STPG2: variants seen among roughly 807,000 people sequenced by gnomAD.
STPG2 encodes the protein sperm tail PG-rich repeat containing 2.
A neutral mutation model predicts 54.2 loss-of-function variants in STPG2; 56 were observed. That is an observed-to-expected ratio of 1.03 (90% CI 0.83 to 1.29). The LOEUF (loss-of-function observed/expected upper bound fraction) is 1.29, where lower values mean the gene tolerates loss of function less well. Among genes scored for constraint, STPG2 ranks in the 50% most tolerant of loss-of-function variants. The probability of loss-of-function intolerance (pLI) is 0.00; values close to 1 mark genes in which losing one functional copy is unlikely to be tolerated. For synonymous variants in STPG2, 200 were observed against 181.8 expected (o/e 1.10, Z -0.81); for missense variants, 596 against 544.9 (o/e 1.09, Z -0.93).
intron 6 of STPG2, among the ~76,000 whole-genome samples, chr4:97,976,264 C>T (rs1469486828): frequency 6.6e-6 from 1 of 152,082 alleles, no homozygotes; most frequent in African/African-American, 2.4e-5. Flanking sequence ...AAGATAAACA[C>T]AAAGTATAAT....
At chr4:97,506,561 A>G (rs905946854) in intron 4 of STPG2, among the ~76,000 whole-genome samples, 54 of 152,032 alleles carry the variant, frequency 3.6e-4, no homozygotes, top group Non-Finnish European at 7.8e-4. Flanking sequence ...AAAGTGTTTT[A>G]TATAGTTAAA....
chr4:97,845,372 C>A (rs886310560), intron 8 of STPG2, among the ~76,000 whole-genome samples: 2 of 151,928 alleles, frequency 1.3e-5, no homozygotes, highest in African/African-American at 4.8e-5. Flanking sequence ...TCTTAGTAAG[C>A]AACATTATAA....
chr4:97,602,803 T>C (rs1024605781), intron 10 of STPG2, among the ~76,000 whole-genome samples: 1 of 151,788 alleles, frequency 6.6e-6, no homozygotes, highest in Non-Finnish European at 1.5e-5. Flanking sequence ...TATTGCATAG[T>C]AAAATTTTGG....
At chr4:97,988,877 G>T (rs1734909984) in intron 5 of STPG2, among the ~76,000 whole-genome samples, 1 of 152,180 alleles carries the variant, frequency 6.6e-6, no homozygotes, top group African/African-American at 2.4e-5. Context: ...GCCTCCCAAA[G>T]TTCTGGGATT....
chr4:97,575,980 G>C (rs1266059089), intron 10 of STPG2, among the ~76,000 whole-genome samples: 2 of 152,016 alleles, frequency 1.3e-5, no homozygotes, highest in Non-Finnish European at 2.9e-5. Flanking sequence ...TGTTTAAGCT[G>C]AGAGTCAAAT....
At chr4:97,832,545 G>C (rs1338425719) in intron 9 of STPG2, among the ~76,000 whole-genome samples, 1 of 152,140 alleles carries the variant, frequency 6.6e-6, no homozygotes. Context: ...GATATAAAGG[G>C]TATTCAAATA....
intron 5 of STPG2, among the ~76,000 whole-genome samples, chr4:98,012,917 C>T (rs1293240367): frequency 6.6e-6 from 1 of 152,228 alleles, no homozygotes; most frequent in East Asian, 1.9e-4. Context: ...TTGACTTTCT[C>T]TCTTCCTATC....
intron 5 of STPG2, among the ~76,000 whole-genome samples, chr4:97,989,719 T>G (rs897669769): frequency 6.6e-6 from 1 of 152,194 alleles, no homozygotes; most frequent in African/African-American, 2.4e-5. Context: ...GGAGCCATTA[T>G]TAGTTAAAAT....
intron 3 of STPG2, among the ~76,000 whole-genome samples, chr4:98,125,944 T>C (rs13137808): frequency 0.4 from 60,095 of 152,020 alleles, 12,123 homozygotes; most frequent in Middle Eastern, 0.46. Flanking sequence ...AGTCTGGCTA[T>C]AGTCTGCCAC....
intron 5 of STPG2, 122 bp from the exon 6 acceptor site, chr4:97,981,440 A>G: frequency 1.0e-6 from 1 of 971,634 alleles, no homozygotes; most frequent in South Asian, 1.8e-5. Context: ...AATGGAGTGA[A>G]GAAAATGTAG....
rs1728611329 is a variant in STPG2, at chr4:97,835,685, TC to T, written c.1204+5087del. 7.9e-5 allele frequency among the ~76,000 whole-genome samples: 12 copies of T among 152,234 alleles called. No individual in the cohort carries two copies. The South Asian group carries it at 2.5e-3, about 32-fold the overall frequency. Reference sequence around the variant, plus strand: ...GGCTATGGCCACCATACAGAGTGACTCCTCTGGGATCTGGGCAAAGTAAATT... The same window carrying T: ...GGCTATGGCCACCATACAGAGTGACTCTCTGGGATCTGGGCAAAGTAAATT... On this transcript the variant is annotated intron_variant, in intron 9 of 10. Transcript: ENST00000295268.
chr4:98,131,514 C>T (rs558022632), intron 2 of STPG2, among the ~76,000 whole-genome samples: 2 of 152,214 alleles, frequency 1.3e-5, no homozygotes, highest in South Asian at 2.1e-4. Context: ...TGTCATTGCA[C>T]TGATATTATT....
At position 98,143,253 on chromosome 4, in the gene STPG2, G is replaced by C; in HGVS notation, c.-103C>G. The stretch of plus-strand genomic sequence containing the variant: ...AAAAAGGAAGCCGACACCAGTCTGA[G>C]GAGGCCGGGAAAGAACTTCCGTAAA... On this transcript the variant is annotated 5_prime_UTR_variant, in exon 1 of 11. Transcript: ENST00000295268. 1 of 832,598 alleles carries C rather than the reference G, an allele frequency of 1.2e-6. No homozygotes were observed. Among genetic ancestry groups the C allele is most frequent in the Non-Finnish European group, 1.9e-6 (1 of 533,138 alleles). 51.6% of individuals were successfully genotyped at this position (832,598 alleles called of 1,614,324 possible).
chr4:97,965,722 C>T (rs573730663), intron 7 of STPG2, among the ~76,000 whole-genome samples: 1 of 152,306 alleles, frequency 6.6e-6, no homozygotes, highest in South Asian at 2.1e-4. Context: ...ACCTGGCAAA[C>T]GGGGTCTGGA....
At chr4:98,093,212 T>A (rs1185018189) in intron 5 of STPG2, among the ~76,000 whole-genome samples, 2 of 152,144 alleles carry the variant, frequency 1.3e-5, no homozygotes, top group East Asian at 3.8e-4. Flanking sequence ...TACTAAAAAA[T>A]TTTTCATTGC....
chr4:97,597,583 G>T (rs1351780197), intron 10 of STPG2, among the ~76,000 whole-genome samples: 2 of 151,774 alleles, frequency 1.3e-5, no homozygotes, highest in African/African-American at 4.8e-5. Flanking sequence ...TTCAATATAT[G>T]CAAATCAATA....
chr4:97,749,539 T>C (rs1725518537), intron 9 of STPG2, among the ~76,000 whole-genome samples: 1 of 151,762 alleles, frequency 6.6e-6, no homozygotes. Flanking sequence ...TATACTTTAT[T>C]ATTTTATCAA....
chr4:97,970,726 A>T (rs975648784), intron 7 of STPG2, among the ~76,000 whole-genome samples: 1 of 152,222 alleles, frequency 6.6e-6, no homozygotes, highest in Non-Finnish European at 1.5e-5. Flanking sequence ...AACCTAGGCA[A>T]TACCATTCAG....
At chr4:97,815,649 G>C (rs964187312) in intron 9 of STPG2, among the ~76,000 whole-genome samples, 4 of 152,110 alleles carry the variant, frequency 2.6e-5, no homozygotes, top group Non-Finnish European at 5.9e-5. Context: ...GGGAAGAAGG[G>C]TAAATATCAC....
Sources: gnomAD v4.1 joint callset for allele counts (sites outside exome capture counted in the v4.1 genomes callset) on GRCh38, gnomAD v4.1.1 for gene constraint, MANE v1.5 for transcripts, NCBI Gene and HGNC (gene_info 2026-07-23, HGNC 2026-07-21) for gene names.